Variants in N4BP2L2 observed in about 807,000 individuals in gnomAD.
N4BP2L2 encodes NEDD4 binding protein 2 like 2, also known as NEDD4-binding protein 2-like 2.
N4BP2L2 carries 50 observed loss-of-function variants against 56.2 expected under a neutral mutation model. That is an observed-to-expected ratio of 0.89 (90% CI 0.71 to 1.13). N4BP2L2 has a LOEUF of 1.13. Ranked by LOEUF, N4BP2L2 falls within the 50% of genes most tolerant of loss-of-function variation. N4BP2L2 has a pLI of 0.00. For missense variants in N4BP2L2, 689 were observed against 693.8 expected, an observed-to-expected ratio of 0.99 and a Z score of 0.08; for synonymous variants, 203 against 223.6, an observed-to-expected ratio of 0.91 and a Z score of 0.82.
intron 6 of N4BP2L2, among the ~76,000 whole-genome samples, chr13:32,471,985 A>G (rs903154096): frequency 1.3e-5 from 2 of 152,238 alleles, no homozygotes; most frequent in African/African-American, 4.8e-5. Flanking sequence ...TTTAACCTGA[A>G]TTTAATCAAG....
At chr13:32,492,654 C>T (rs2087438752) in intron 6 of N4BP2L2, among the ~76,000 whole-genome samples, 1 of 152,062 alleles carries the variant, frequency 6.6e-6, no homozygotes. Flanking sequence ...TTTTTGAGTT[C>T]TCAACATGTT....
chr13:32,517,317 C>A, exon 6 of N4BP2L2: 1 of 986,990 alleles, frequency 1.0e-6, no homozygotes, highest in Non-Finnish European at 1.2e-6. Flanking sequence ...AATTTTGTCA[C>A]ACAGATCAAT....
exon 6 of N4BP2L2, chr13:32,512,712 G>C (rs1480588967): frequency 2.0e-5 from 3 of 152,114 alleles, no homozygotes; most frequent in Non-Finnish European, 4.4e-5. Flanking sequence ...CCTTCTTCTT[G>C]TTCTTGTGCA....
At chr13:32,455,936 G>A (rs1221179655) in intron 6 of N4BP2L2, among the ~76,000 whole-genome samples, 1 of 152,188 alleles carries the variant, frequency 6.6e-6, no homozygotes, top group East Asian at 1.9e-4. Flanking sequence ...TACTACTTCA[G>A]AGCCTGATGG....
intron 6 of N4BP2L2, among the ~76,000 whole-genome samples, chr13:32,468,655 A>G (rs1159218523): frequency 6.6e-6 from 1 of 152,218 alleles, no homozygotes; most frequent in Non-Finnish European, 1.5e-5. Context: ...TCTGGGACAG[A>G]GTGACTCGGT....
intron 6 of N4BP2L2, among the ~76,000 whole-genome samples, chr13:32,450,346 A>G (rs113350053): frequency 0.01 from 1,571 of 150,164 alleles, 29 homozygotes; most frequent in African/African-American, 0.035. Flanking sequence ...TTTTTTTGAG[A>G]TGGAGTCTCA....
intron 6 of N4BP2L2, among the ~76,000 whole-genome samples, chr13:32,460,301 C>A (rs1275952442): frequency 1.3e-5 from 2 of 152,034 alleles, no homozygotes; most frequent in African/African-American, 2.4e-5. Flanking sequence ...AGAGTCCTAG[C>A]CAGAGCAATC....
chr13:32,531,419 A>G (rs1386362647), intron 2 of N4BP2L2, among the ~76,000 whole-genome samples: 1 of 152,180 alleles, frequency 6.6e-6, no homozygotes, highest in African/African-American at 2.4e-5. Context: ...TTGGTTTTTA[A>G]ATTTCTAAGA....
At chr13:32,523,689 A>G (rs1331168433) in intron 3 of N4BP2L2, 1 of 150,888 alleles carries the variant, frequency 6.6e-6, no homozygotes, top group Non-Finnish European at 1.5e-5. Flanking sequence ...GTCTCAAAAA[A>G]AAAAAAAAAA....
chr13:32,516,995 T>C (rs2049373426), exon 6 of N4BP2L2: 1 of 970,850 alleles, frequency 1.0e-6, no homozygotes, highest in African/African-American at 1.8e-5. Flanking sequence ...TACTAGAAGA[T>C]ATTCTATAGT....
At chr13:32,438,354 T>C (rs537054876) in intron 8 of N4BP2L2, among the ~76,000 whole-genome samples, 29 of 152,330 alleles carry the variant, frequency 1.9e-4, no homozygotes, top group Non-Finnish European at 3.7e-4. Context: ...ATATACTGCA[T>C]GATTTCACTC....
rs188569071 is a variant in N4BP2L2, at chr13:32,469,340, G to C, written c.366-25214C>G. The stretch of plus-strand genomic sequence containing the variant: ...GTGGCAGTGGACAGGTCCCCTGTGA[G>C]TGTGGAGATGGAACTGAAGCACCTA... On this transcript the variant is annotated intron_variant, in intron 6 of 9. Transcript: ENST00000357505. Among the ~76,000 whole-genome samples, 37 of 152,344 alleles carry C rather than the reference G, an allele frequency of 2.4e-4. No homozygotes were observed. In the East Asian group the frequency reaches 6.6e-3, roughly 27 times the overall value.
At chr13:32,513,685 GAATT>G (rs1343064277) in exon 6 of N4BP2L2, 7 of 151,872 alleles carry the variant, frequency 4.6e-5, no homozygotes, top group Non-Finnish European at 1.0e-4. Context: ...TGAATGTTCT[GAATT>G]ATTTATTCTG....
chr13:32,441,949 G>A (rs181428565), intron 7 of N4BP2L2, among the ~76,000 whole-genome samples: 2 of 151,938 alleles, frequency 1.3e-5, no homozygotes, highest in Admixed American at 6.5e-5. Flanking sequence ...GGTGGCGGGC[G>A]CCTGTAGTCC....
intron 6 of N4BP2L2, among the ~76,000 whole-genome samples, chr13:32,453,654 T>C (rs967124618): frequency 6.6e-6 from 1 of 152,188 alleles, no homozygotes; most frequent in African/African-American, 2.4e-5. Flanking sequence ...GCCTAGCTCT[T>C]TGTAGTGTTT....
At chr13:32,441,263 A>G (rs948952622) in intron 7 of N4BP2L2, among the ~76,000 whole-genome samples, 6 of 152,182 alleles carry the variant, frequency 3.9e-5, no homozygotes, top group African/African-American at 1.2e-4. Context: ...AGTAAATTCA[A>G]TTATTTCAGA....
downstream of N4BP2L2, chr13:32,505,744 C>A (rs2139657437): frequency 6.6e-6 from 1 of 152,288 alleles, no homozygotes; most frequent in East Asian, 1.9e-4. Flanking sequence ...ACCAGAAACA[C>A]CTTTAACATT....
intron 6 of N4BP2L2, among the ~76,000 whole-genome samples, chr13:32,494,115 T>TA (rs1014349619): frequency 6.9e-4 from 103 of 150,102 alleles, no homozygotes; most frequent in African/African-American, 1.9e-3. Flanking sequence ...CTACTAAAAA[T>TA]AAAAAAAAAT....
chr13:32,453,297 T>A (rs1321229998), intron 6 of N4BP2L2, among the ~76,000 whole-genome samples: 1 of 147,072 alleles, frequency 6.8e-6, no homozygotes, highest in Non-Finnish European at 1.5e-5. Flanking sequence ...TCAGCAAAAA[T>A]GGTTGAGTAA....
Sources: allele counts gnomAD v4.1 joint callset (sites outside exome capture counted in the v4.1 genomes callset), GRCh38; gene constraint gnomAD v4.1.1; transcripts MANE v1.5; gene names NCBI Gene and HGNC (gene_info 2026-07-23, HGNC 2026-07-21).